Variants in CDH12 observed in about 807,000 individuals in gnomAD.
The protein encoded by CDH12 is cadherin-12.
CDH12 carries 41 observed loss-of-function variants against 74.1 expected under a neutral mutation model. The observed-to-expected ratio is 0.55, with a 90% CI of 0.43 to 0.72. The LOEUF is 0.72. Ranked by LOEUF, CDH12 falls within the 30% of genes least tolerant of loss-of-function variation. The pLI, the probability that CDH12 is intolerant of heterozygous loss-of-function variation, is 0.00. For synonymous variants in CDH12, 399 were observed against 355.0 expected (o/e 1.12, Z -1.39); for missense variants, 945 against 977.2 (o/e 0.97, Z 0.44).
chr5:22,307,873 G>GTTTTTTTTTTTTTTTTT lies in CDH12; in HGVS notation c.-332-95247_-332-95231dup, dbSNP rs35242143. ...TATATATTTTTGCTGCTTTCTTTTA[G>GTTTTTTTTTTTTTTTTT]TTTTTTTTTTTTTTTTTTTTTTTTT... On this transcript the variant is annotated intron_variant, in intron 3 of 14. Coordinates refer to ENST00000382254, the MANE Select transcript of CDH12 (RefSeq NM_004061.5). 5.8e-5 allele frequency among the ~76,000 whole-genome samples: 4 copies of GTTTTTTTTTTTTTTTTT among 68,658 alleles called. 1 individual carries two copies. The highest frequency in any genetic ancestry group is 9.5e-5 in the Non-Finnish European group (4 of 42,092). The allele number at this position is 68,658 out of a possible 152,430, so 45.0% of individuals were successfully genotyped here. A position where few individuals can be genotyped will look rare whatever the true frequency, so the allele number is the denominator to read the frequency against.
intron 1 of CDH12, among the ~76,000 whole-genome samples, chr5:22,665,894 T>C (rs976231556): frequency 1.3e-5 from 2 of 152,166 alleles, no homozygotes; most frequent in South Asian, 2.1e-4. Context: ...AGATTTCTCA[T>C]GGTGAAATGT....
intron 3 of CDH12, among the ~76,000 whole-genome samples, chr5:22,229,843 T>C (rs1752324830): frequency 6.6e-6 from 1 of 151,870 alleles, no homozygotes; most frequent in Non-Finnish European, 1.5e-5. Context: ...CCAGAGTAGG[T>C]GACCTTTTCT....
chr5:22,632,769 G>C (rs571552260), intron 1 of CDH12, among the ~76,000 whole-genome samples: 1 of 152,058 alleles, frequency 6.6e-6, no homozygotes, highest in South Asian at 2.1e-4. Context: ...CATTATGGCT[G>C]AAAACATCCT....
intron 4 of CDH12, among the ~76,000 whole-genome samples, chr5:22,104,885 C>T (rs949065165): frequency 6.6e-6 from 1 of 152,156 alleles, no homozygotes; most frequent in Non-Finnish European, 1.5e-5. Flanking sequence ...GCGGCTTCAA[C>T]AGCAGAAATT....
intron 6 of CDH12, among the ~76,000 whole-genome samples, chr5:21,871,752 G>A (rs7446282): frequency 0.96 from 146,303 of 152,138 alleles, 70,573 homozygotes; most frequent in Non-Finnish European, 1. Context: ...ATAAAATAAT[G>A]CAAATACCTA....
chr5:22,386,236 G>T (rs754637883), intron 3 of CDH12, among the ~76,000 whole-genome samples: 61 of 152,180 alleles, frequency 4.0e-4, no homozygotes, highest in Middle Eastern at 6.8e-3. Flanking sequence ...ACCTCACATG[G>T]CAAGAACAGC....
At chr5:22,686,863 A>G (rs1741822340) in intron 1 of CDH12, among the ~76,000 whole-genome samples, 1 of 152,218 alleles carries the variant, frequency 6.6e-6, no homozygotes, top group Non-Finnish European at 1.5e-5. Flanking sequence ...TCTGCTCACT[A>G]TAACGCTTGC....
chr5:21,959,073 C>A (rs1186994415), intron 6 of CDH12, among the ~76,000 whole-genome samples: 2 of 151,938 alleles, frequency 1.3e-5, no homozygotes, highest in African/African-American at 2.4e-5. Flanking sequence ...AATGGGATTG[C>A]CTTCCTGATT....
At chr5:21,947,551 A>G (rs1222233016) in intron 6 of CDH12, among the ~76,000 whole-genome samples, 2 of 152,168 alleles carry the variant, frequency 1.3e-5, no homozygotes, top group African/African-American at 4.8e-5. Flanking sequence ...GGAACTTTTA[A>G]TTTGAGAAAC....
chr5:22,384,565 T>C (rs575878497), intron 3 of CDH12, among the ~76,000 whole-genome samples: 147 of 151,152 alleles, frequency 9.7e-4, no homozygotes, highest in Non-Finnish European at 1.7e-3. Flanking sequence ...AAAGAAAATG[T>C]CTTTTTTATC....
chr5:21,847,768 G>A (rs575711569), intron 7 of CDH12, among the ~76,000 whole-genome samples: 1 of 152,078 alleles, frequency 6.6e-6, no homozygotes, highest in Non-Finnish European at 1.5e-5. Context: ...GGCAATCACT[G>A]TTCTGTCTAG....
intron 6 of CDH12, among the ~76,000 whole-genome samples, chr5:21,874,262 G>A (rs1751809765): frequency 2.0e-5 from 3 of 152,150 alleles, no homozygotes; most frequent in Non-Finnish European, 4.4e-5. Context: ...ACAAACATAT[G>A]AAGGAAGGCT....
chr5:22,370,535 G>A (rs4701583), intron 3 of CDH12, among the ~76,000 whole-genome samples: 45,663 of 151,936 alleles, frequency 0.3, 6,855 homozygotes, highest in East Asian at 0.35. Context: ...GTATTTTATA[G>A]AACCCTCCAT....
rs146343748 is a variant in CDH12 at position 22,531,885 on chromosome 5, C to A, written c.-522-26521G>T. Among the ~76,000 whole-genome samples, 560 of 152,226 alleles carry A rather than the reference C, an allele frequency of 3.7e-3. 1 individual carries two copies. Among genetic ancestry groups the A allele is most frequent in the Middle Eastern group, 0.01 (3 of 294 alleles). ...CAGCCAGAAAGCAACTCCTTCCACA[C>A]CATGACTGGCAGTTTGAGTTTACAC... On this transcript the variant is annotated intron_variant, in intron 1 of 14. Transcript: ENST00000382254.
chr5:22,693,154 C>T (rs1022886601), intron 1 of CDH12, among the ~76,000 whole-genome samples: 1 of 152,076 alleles, frequency 6.6e-6, no homozygotes, highest in Non-Finnish European at 1.5e-5. Flanking sequence ...TGCAGCCATG[C>T]TTTGTTTTCT....
intron 5 of CDH12, among the ~76,000 whole-genome samples, chr5:22,052,535 T>C (rs1382568619): frequency 6.6e-6 from 1 of 152,144 alleles, no homozygotes; most frequent in Admixed American, 6.6e-5. Context: ...CTGAGAGGTG[T>C]TGCTTATACT....
intron 6 of CDH12, among the ~76,000 whole-genome samples, chr5:21,916,127 A>G (rs1156473341): frequency 3.9e-5 from 6 of 152,118 alleles, no homozygotes; most frequent in African/African-American, 1.4e-4. Context: ...CTGGGCCCTA[A>G]GACAATTATA....
At chr5:22,668,545 A>G (rs978935766) in intron 1 of CDH12, among the ~76,000 whole-genome samples, 1 of 152,140 alleles carries the variant, frequency 6.6e-6, no homozygotes, top group Non-Finnish European at 1.5e-5. Flanking sequence ...GACTCTCTGC[A>G]GAGTTCTGAG....
chr5:22,403,965 T>C (rs1489769262), intron 3 of CDH12, among the ~76,000 whole-genome samples: 1 of 152,156 alleles, frequency 6.6e-6, no homozygotes, highest in Non-Finnish European at 1.5e-5. Context: ...TTTTACTATA[T>C]GATGCATATA....
Sources: allele counts gnomAD v4.1 joint callset (sites outside exome capture counted in the v4.1 genomes callset), GRCh38; gene constraint gnomAD v4.1.1; transcripts MANE v1.5; gene names NCBI Gene and HGNC (gene_info 2026-07-23, HGNC 2026-07-21).